The following OPN4 variants were observed in gnomAD, a reference collection of about 807,000 sequenced individuals.
The protein encoded by OPN4 is melanopsin.
A neutral mutation model predicts 49.5 loss-of-function variants in OPN4; 43 were observed. The ratio of observed to expected loss-of-function variants is 0.87; its 90% CI spans 0.68 to 1.12. The LOEUF (loss-of-function observed/expected upper bound fraction) is 1.12. OPN4 is among the 50% of genes most tolerant of loss of function. The pLI, the probability that OPN4 is intolerant of heterozygous loss-of-function variation, is 0.00. For synonymous variants in OPN4, 263 were observed against 258.0 expected, an observed-to-expected ratio of 1.02 and a Z score of -0.19; for missense variants, 657 against 643.9, an observed-to-expected ratio of 1.02 and a Z score of -0.22.
At position 86,658,015 on chromosome 10, in the gene OPN4, G is replaced by A; in HGVS notation, c.291-17G>A. The A allele has an allele frequency of 1.2e-6, 2 of 1,609,598 alleles. No individual in the cohort carries two copies. Among genetic ancestry groups the A allele is most frequent in the Non-Finnish European group, 1.7e-6 (2 of 1,179,134 alleles). On this transcript the variant is annotated splice_polypyrimidine_tract_variant and intron_variant, in intron 2 of 9. Transcript: ENST00000241891. ...AGGTGTCAGGAAGCGCCTCCTAACA[G>A]CTTCTGATCCTCCCAGGAGCAGAAG... is the stretch of plus-strand genomic sequence containing the variant.
intron 6 of OPN4, 97 bp downstream of exon 6, chr10:86,660,156 G>A (rs1015392415): frequency 9.9e-5 from 131 of 1,329,896 alleles, no homozygotes; most frequent in Non-Finnish European, 1.3e-4. Flanking sequence ...ACCCCGGCCA[G>A]CCATCCTCGC....
Position 86,661,288 on chromosome 10 carries a change from C to T in OPN4, c.973C>T (p.His325Tyr), listed in dbSNP as rs1290962858. Residue 325 changes from histidine (H) to tyrosine (Y), a missense_variant, in exon 7 of 10, where the codon CAC (histidine) becomes TAC (tyrosine). Physicochemically the swap from His to Tyr is moderately conservative, Grantham distance 83. Transcript: ENST00000241891. ...VALVAFAGYAHVLTPYMSSVP... is the reference protein window; with the variant it reads ...VALVAFAGYAYVLTPYMSSVP... ...ACACCTTCTCTGTCCTAGGTACGCA[C>T]ACGTCCTGACACCCTACATGAGCTC... 1 of 1,613,770 alleles carries T rather than the reference C, an allele frequency of 6.2e-7. No homozygotes were observed. The highest frequency in any genetic ancestry group is 1.1e-5 in the South Asian group (1 of 91,074).
intron 2 of OPN4, 47 bp downstream of exon 2, chr10:86,656,347 A>G (rs920825322): frequency 3.2e-6 from 5 of 1,545,212 alleles, no homozygotes; most frequent in Non-Finnish European, 4.4e-6. Context: ...GGTGGCAGCC[A>G]TGCAGACAGG....
chr10:86,661,321 G>A lies in OPN4; in HGVS notation c.1006G>A (p.Ala336Thr). The change falls in exon 7 of 10, where the codon GCC (alanine) becomes ACC (threonine). Residue 336 changes from alanine to threonine, a missense_variant. Ala to Thr is a moderately conservative substitution (Grantham distance 58). Coordinates refer to ENST00000241891, the MANE Select transcript of OPN4 (RefSeq NM_033282.4). The stretch of plus-strand genomic sequence containing the variant: ...GACACCCTACATGAGCTCGGTGCCA[G>A]CCGTCATCGCCAAGGCCTCTGCAAT... Reference protein sequence around the residue: ...VLTPYMSSVPAVIAKASAIHN... With the variant: ...VLTPYMSSVPTVIAKASAIHN... 1 of 1,614,096 alleles carries A rather than the reference G, an allele frequency of 6.2e-7. No individual in the cohort carries two copies.
chr10:86,658,962 G>A (rs1218094119), intron 4 of OPN4, among the ~76,000 whole-genome samples: 1 of 152,244 alleles, frequency 6.6e-6, no homozygotes, highest in Non-Finnish European at 1.5e-5. Flanking sequence ...TGCTGTGTCA[G>A]ACTAGGCAGG....
At position 86,659,361 on chromosome 10, in the gene OPN4, C is replaced by T. The variant is rs754281562; in HGVS notation, c.693C>T (p.Ala231=). 8.7e-6 allele frequency: 14 copies of T among 1,613,872 alleles called. No individual in the cohort carries two copies. In the African/African-American group the frequency reaches 1.5e-4, roughly 17 times the overall value. ...CSWDYMSFTP[A]VRAYTMLLCC... is the part of the protein sequence containing the mutation. ...GGGACTACATGAGCTTCACGCCGGC[C>T]GTGCGTGCCTACACCATGCTTCTCT... The change falls in exon 5 of 10, where the codon GCC becomes GCT. Residue 231 remains alanine (A), a synonymous_variant. Transcript: ENST00000241891.
chr10:86,661,513 C>A (rs566841716), intron 7 of OPN4, 125 bp downstream of exon 7: 26 of 681,970 alleles, frequency 3.8e-5, no homozygotes, highest in Admixed American at 2.5e-4. Flanking sequence ...CAGCTGGGAG[C>A]GGCCAATGAC....
At chr10:86,659,620 T>A in intron 5 of OPN4, 152 bp downstream of exon 5, 1 of 1,167,406 alleles carries the variant, frequency 8.6e-7, no homozygotes, top group Non-Finnish European at 1.2e-6. Context: ...CAGCAGTGTC[T>A]AGGGGAGCCT....
chr10:86,666,438 C>A lies in OPN4; in HGVS notation c.*687C>A. 9.3e-6 allele frequency: 2 copies of A among 213,990 alleles called. No individual in the cohort carries two copies. The highest frequency in any genetic ancestry group is 1.9e-5 in the Non-Finnish European group (2 of 103,732). 13.3% of individuals were successfully genotyped at this position (213,990 alleles called of 1,614,324 possible). On this transcript the variant is annotated 3_prime_UTR_variant, in exon 10 of 10. Coordinates refer to ENST00000241891, the MANE Select transcript of OPN4 (RefSeq NM_033282.4). ...TGACAGGGTATAGGAAAATAAAAAG[C>A]GGAGAAGGTGTCTTCAGACAAATAT...
intron 5 of OPN4, 85 bp downstream of exon 5, chr10:86,659,553 C>T: frequency 1.3e-6 from 2 of 1,509,064 alleles, no homozygotes; most frequent in Non-Finnish European, 1.8e-6. Flanking sequence ...CACACCTGCA[C>T]CAGCCTACCA....
Position 86,663,785 on chromosome 10 carries a change from G to C in OPN4, c.1381G>C (p.Ala461Pro). 1 of 1,554,844 alleles carries C rather than the reference G, an allele frequency of 6.4e-7. No homozygotes were observed. The highest frequency in any genetic ancestry group is 1.9e-5 in the Admixed American group (1 of 51,556). The change falls in exon 9 of 10, where the codon GCA (alanine) becomes CCA (proline). Residue 461 changes from alanine to proline, a missense_variant. Coordinates refer to ENST00000241891, the MANE Select transcript of OPN4 (RefSeq NM_033282.4). ...ACCCCCCAGACCCCAGGGACACGAA[G>C]CAGAGACTCCAGGGAAGGTGACTGG... ...KAPPRPQGHE[A>P]ETPGKTKGLI...
At chr10:86,656,496 C>G (rs1843867745) in intron 2 of OPN4, among the ~76,000 whole-genome samples, 196 bp downstream of exon 2, 1 of 152,154 alleles carries the variant, frequency 6.6e-6, no homozygotes, top group Admixed American at 6.5e-5. Context: ...AAAAATGGTC[C>G]AGGGAGACTT....
chr10:86,658,911 CA>C (rs755970252), intron 4 of OPN4, among the ~76,000 whole-genome samples: 72 of 152,286 alleles, frequency 4.7e-4, no homozygotes, highest in Admixed American at 6.5e-4. Context: ...TCCCAAAATA[CA>C]AAGGCTTTCT....
intron 8 of OPN4, among the ~76,000 whole-genome samples, chr10:86,662,687 G>A (rs552328715): frequency 1.4e-4 from 22 of 152,366 alleles, no homozygotes; most frequent in African/African-American, 4.6e-4. Flanking sequence ...ATTGAACACA[G>A]GTCTTCCAAC....
chr10:86,663,686 G>A lies in OPN4; in HGVS notation c.1282G>A (p.Val428Met). 1 of 1,564,416 alleles carries A rather than the reference G, an allele frequency of 6.4e-7. No homozygotes were observed. Among genetic ancestry groups the A allele is most frequent in the Non-Finnish European group, 8.7e-7 (1 of 1,153,314 alleles). The change falls in exon 9 of 10, where the codon GTG (valine) becomes ATG (methionine). Residue 428 changes from valine to methionine, a missense_variant. By Grantham distance (21) the Val-to-Met change is conservative. Coordinates refer to ENST00000241891, the MANE Select transcript of OPN4 (RefSeq NM_033282.4). ...VGWTHMEAAA[V>M]WGAAQQANGR... ...CTGGACACACATGGAGGCAGCAGCT[G>A]TGTGGGGAGCTGCCCAGCAAGCAAA...
Position 86,666,423 on chromosome 10 carries a change from T to TCGC in OPN4, c.*672_*673insCGC. The TCGC allele has an allele frequency of 4.7e-6, 1 of 213,254 alleles. No individual in the cohort carries two copies. The highest frequency in any genetic ancestry group is 9.7e-6 in the Non-Finnish European group (1 of 103,328). The allele number at this position is 213,254 out of a possible 1,614,324, so 13.2% of individuals were successfully genotyped here. ...AGGGCTGTGTGGATCTGACAGGGTA[T>TCGC]AGGAAAATAAAAAGCGGAGAAGGTG... On this transcript the variant is annotated 3_prime_UTR_variant, in exon 10 of 10. Coordinates refer to ENST00000241891, the MANE Select transcript of OPN4 (RefSeq NM_033282.4).
At chr10:86,659,191 G>A in intron 4 of OPN4, 106 bp from the exon 5 acceptor site, 2 of 872,664 alleles carry the variant, frequency 2.3e-6, no homozygotes, top group Non-Finnish European at 3.6e-6. Flanking sequence ...CCAGGTCAGG[G>A]CCAGGGCTGT....
rs543458688 is a variant in OPN4, at chr10:86,665,435, G to A, written c.1399-278G>A. Among the ~76,000 whole-genome samples, 8 of 152,192 alleles carry A rather than the reference G, an allele frequency of 5.3e-5. No individual in the cohort carries two copies. In the South Asian group the frequency reaches 1.2e-3, roughly 24 times the overall value. ...GTCTCCACATGTGGAAGAGAGGAGC[G>A]GATTGGATGGTGGGGGTGAGGATGG... On this transcript the variant is annotated intron_variant, in intron 9 of 9. Transcript: ENST00000241891.
Position 86,658,045 on chromosome 10 carries a change from C to A in OPN4, c.304C>A (p.Arg102=), listed in dbSNP as rs543587644. The A allele has an allele frequency of 1.2e-6, 2 of 1,613,146 alleles. No individual in the cohort carries two copies. Residue 102 remains arginine, a synonymous_variant, in exon 3 of 10, where the codon CGG becomes AGG. Transcript: ENST00000241891. ...IYTFCRSRSL[R]TPANMFIINL... is the part of the protein sequence containing the mutation. ...TGATCCTCCCAGGAGCAGAAGCCTCCGGACACCTGCCAACATGTTCATTAT... is the reference window on the plus strand; with the variant it reads ...TGATCCTCCCAGGAGCAGAAGCCTCAGGACACCTGCCAACATGTTCATTAT...
Sources: allele counts gnomAD v4.1 joint callset (sites outside exome capture counted in the v4.1 genomes callset), GRCh38; gene constraint gnomAD v4.1.1; transcripts MANE v1.5; gene names NCBI Gene and HGNC (gene_info 2026-07-23, HGNC 2026-07-21).